SLIT2: variants seen among roughly 807,000 people sequenced by gnomAD.
SLIT2 encodes the protein slit homolog 2 protein.
Under a neutral mutation model 185.7 loss-of-function variants are expected in SLIT2, and 41 were observed. The observed-to-expected ratio is 0.22, with a 90% confidence interval of 0.17 to 0.29. The LOEUF (loss-of-function observed/expected upper bound fraction) is 0.29. Among genes scored for constraint, SLIT2 ranks in the 10% least tolerant of loss-of-function variants. SLIT2 has a pLI of 1.00. For synonymous variants in SLIT2, 693 were observed against 680.2 expected, an observed-to-expected ratio of 1.02 and a Z score of -0.29; for missense variants, 1,571 against 1,909.0, an observed-to-expected ratio of 0.82 and a Z score of 3.30.
chr4:20,552,461 T>C (rs1723852626), intron 25 of SLIT2: 1 of 152,006 alleles, frequency 6.6e-6, no homozygotes, highest in African/African-American at 2.4e-5. Context: ...TGCAGGTTTG[T>C]TTGTGCCTTG....
intron 26 of SLIT2, among the ~76,000 whole-genome samples, chr4:20,566,764 G>A (rs190134189): frequency 5.7e-4 from 87 of 151,976 alleles, no homozygotes; most frequent in Admixed American, 1.2e-3. Flanking sequence ...TATGAAAGTC[G>A]TACTACTGAG....
chr4:20,446,916 A>G (rs1301363772), intron 4 of SLIT2, among the ~76,000 whole-genome samples: 1 of 152,220 alleles, frequency 6.6e-6, no homozygotes, highest in East Asian at 1.9e-4. Flanking sequence ...ATGAAATGAA[A>G]TTATATTTTT....
chr4:20,553,151 T>C (rs1210417513), intron 25 of SLIT2, among the ~76,000 whole-genome samples: 1 of 152,192 alleles, frequency 6.6e-6, no homozygotes, highest in East Asian at 1.9e-4. Context: ...CAGTATTTTA[T>C]GTTCTTTCTT....
chr4:20,303,909 T>G (rs1004484918), intron 4 of SLIT2, among the ~76,000 whole-genome samples: 9 of 152,180 alleles, frequency 5.9e-5, no homozygotes, highest in Admixed American at 2.0e-4. Context: ...GAGATGAACC[T>G]TGGAAGGCTG....
At chr4:20,419,332 A>G (rs1232748562) in intron 4 of SLIT2, among the ~76,000 whole-genome samples, 1 of 152,196 alleles carries the variant, frequency 6.6e-6, no homozygotes, top group Non-Finnish European at 1.5e-5. Flanking sequence ...ATGTACACAC[A>G]TATGTGTATG....
intron 4 of SLIT2, among the ~76,000 whole-genome samples, chr4:20,286,192 A>G (rs538368948): frequency 2.0e-5 from 3 of 152,298 alleles, no homozygotes; most frequent in South Asian, 4.1e-4. Context: ...ACAATGTGTA[A>G]TCCTCATGGT....
chr4:20,386,237 C>G (rs778808991), intron 4 of SLIT2, among the ~76,000 whole-genome samples: 1 of 152,020 alleles, frequency 6.6e-6, no homozygotes, highest in Non-Finnish European at 1.5e-5. Context: ...TAAAACTAGC[C>G]AATTAAAAGG....
chr4:20,511,897 T>C lies in SLIT2; in HGVS notation c.1058+760T>C, dbSNP rs529176116. On this transcript the variant is annotated intron_variant, in intron 11 of 36. Coordinates refer to ENST00000504154, the MANE Select transcript of SLIT2 (RefSeq NM_004787.4). ...ACTCTTTTTCATCACCTTAATACTT[T>C]CCTAAAAGAATAAGCTTTTAATCTC... Among the ~76,000 whole-genome samples the C allele has an allele frequency of 1.2e-4, 19 of 152,082 alleles. No homozygotes were observed. The East Asian group carries it at 2.9e-3, about 23-fold the overall frequency.
intron 4 of SLIT2, among the ~76,000 whole-genome samples, chr4:20,289,734 C>T (rs1195431214): frequency 6.6e-6 from 1 of 152,148 alleles, no homozygotes; most frequent in Non-Finnish European, 1.5e-5. Flanking sequence ...GTATATCACA[C>T]AAGGTAGACT....
intron 6 of SLIT2, among the ~76,000 whole-genome samples, chr4:20,485,017 A>G (rs567928893): frequency 6.6e-6 from 1 of 152,230 alleles, no homozygotes; most frequent in East Asian, 1.9e-4. Flanking sequence ...ATCCTTGTCC[A>G]GTATCAACTT....
intron 31 of SLIT2, 85 bp downstream of exon 31, chr4:20,595,919 A>C (rs1360049709): frequency 1.7e-6 from 2 of 1,168,762 alleles, no homozygotes; most frequent in Non-Finnish European, 2.4e-6. Context: ...GTAATCGTAC[A>C]TTTTAAAATA....
intron 4 of SLIT2, among the ~76,000 whole-genome samples, chr4:20,465,941 AT>A (rs1317425763): frequency 6.9e-6 from 1 of 145,770 alleles, no homozygotes; most frequent in African/African-American, 2.5e-5. Context: ...TGCCGTTTTT[AT>A]TCATCTACAC....
intron 9 of SLIT2, among the ~76,000 whole-genome samples, chr4:20,508,763 T>C (rs924387382): frequency 2.0e-5 from 3 of 152,226 alleles, no homozygotes; most frequent in African/African-American, 7.2e-5. Flanking sequence ...ACCAAGGAGA[T>C]AGAGTGTCTC....
In SLIT2 at chr4:20,370,945, G is replaced by A. The variant is rs149335579; in HGVS notation, c.396-96807G>A. 5.3e-3 allele frequency among the ~76,000 whole-genome samples: 814 copies of A among 152,190 alleles called. 9 individuals carry two copies. The highest frequency in any genetic ancestry group is 0.019 in the African/African-American group (782 of 41,548). On this transcript the variant is annotated intron_variant, in intron 4 of 36. Coordinates refer to ENST00000504154, the MANE Select transcript of SLIT2 (RefSeq NM_004787.4). ...CTTAGTGACCAAATCACTAGGCATC[G>A]TTGTGCATTCTCTTTTAGAAATGTC...
intron 4 of SLIT2, among the ~76,000 whole-genome samples, chr4:20,380,231 C>G (rs1724381325): frequency 1.3e-5 from 2 of 152,194 alleles, no homozygotes; most frequent in South Asian, 4.1e-4. Context: ...AAATGCTCTT[C>G]TGGACTTCCC....
intron 4 of SLIT2, among the ~76,000 whole-genome samples, chr4:20,428,320 GC>G (rs1281167853): frequency 1.4e-4 from 21 of 152,180 alleles, no homozygotes; most frequent in South Asian, 4.1e-4. Flanking sequence ...ATGGAGCCCT[GC>G]CATCATGCCA....
intron 4 of SLIT2, among the ~76,000 whole-genome samples, chr4:20,347,569 T>G (rs745355989): frequency 1.3e-5 from 2 of 152,236 alleles, no homozygotes; most frequent in Non-Finnish European, 2.9e-5. Context: ...CAGTTCATTC[T>G]GATATGAGTG....
intron 4 of SLIT2, among the ~76,000 whole-genome samples, chr4:20,288,633 C>T (rs973797175): frequency 2.0e-4 from 30 of 152,232 alleles, no homozygotes; most frequent in Non-Finnish European, 2.6e-4. Context: ...ACAAAATGAA[C>T]GGCTATGGTT....
chr4:20,459,971 C>T (rs571999738), intron 4 of SLIT2, among the ~76,000 whole-genome samples: 20 of 150,892 alleles, frequency 1.3e-4, no homozygotes, highest in African/African-American at 4.4e-4. Context: ...TCAAGCGATT[C>T]TCCTGCCTCA....
Sources: gnomAD v4.1 joint callset for allele counts (sites outside exome capture counted in the v4.1 genomes callset) on GRCh38, gnomAD v4.1.1 for gene constraint, MANE v1.5 for transcripts, NCBI Gene and HGNC (gene_info 2026-07-23, HGNC 2026-07-21) for gene names.